The following NCKAP5 variants were observed in gnomAD, a reference collection of about 807,000 sequenced individuals.
NCKAP5 encodes the protein NCK associated protein 5.
A neutral mutation model predicts 167.0 loss-of-function variants in NCKAP5; 92 were observed. The observed-to-expected ratio is 0.55, with a 90% CI of 0.47 to 0.66. The LOEUF is 0.66. Ranked by LOEUF, NCKAP5 falls within the 30% of genes least tolerant of loss-of-function variation. NCKAP5 has a pLI of 0.00. For synonymous variants in NCKAP5, 891 were observed against 877.4 expected (o/e 1.02, Z -0.27); for missense variants, 2,378 against 2,315.0 (o/e 1.03, Z -0.56).
chr2:132,831,144 C>G (rs1300038695), intron 11 of NCKAP5, among the ~76,000 whole-genome samples: 1 of 152,136 alleles, frequency 6.6e-6, no homozygotes, highest in African/African-American at 2.4e-5. Flanking sequence ...CTCACTTTTC[C>G]CACCGCATGG....
intron 6 of NCKAP5, among the ~76,000 whole-genome samples, chr2:133,043,406 C>T (rs1235670050): frequency 2.6e-5 from 4 of 152,072 alleles, no homozygotes; most frequent in South Asian, 2.1e-4. Flanking sequence ...TTTGCCTGAA[C>T]GTATTCTTTA....
intron 11 of NCKAP5, among the ~76,000 whole-genome samples, chr2:132,845,519 GCAC>G (rs1316872831): frequency 2.0e-5 from 3 of 152,052 alleles, no homozygotes. Context: ...ATTATCAAAT[GCAC>G]CACAACCATT....
intron 8 of NCKAP5, among the ~76,000 whole-genome samples, chr2:132,938,603 G>A (rs1368734099): frequency 1.3e-5 from 2 of 152,148 alleles, no homozygotes; most frequent in Admixed American, 1.3e-4. Context: ...ATGTCTCTGT[G>A]TGTAAAGGGC....
intron 8 of NCKAP5, among the ~76,000 whole-genome samples, chr2:132,947,691 C>G (rs915443009): frequency 2.6e-5 from 4 of 152,140 alleles, no homozygotes; most frequent in African/African-American, 7.2e-5. Flanking sequence ...ATGTGGCTCA[C>G]TGTCTCAGCC....
chr2:132,698,770 G>A (rs1345026440), intron 19 of NCKAP5, among the ~76,000 whole-genome samples: 2 of 152,066 alleles, frequency 1.3e-5, no homozygotes, highest in African/African-American at 2.4e-5. Context: ...GGAGGCAAGG[G>A]TTGCAGTGAG....
chr2:133,093,257 A>G (rs2081246931), intron 6 of NCKAP5, among the ~76,000 whole-genome samples: 1 of 152,224 alleles, frequency 6.6e-6, no homozygotes, highest in African/African-American at 2.4e-5. Flanking sequence ...TGGCTGTGGT[A>G]GACACCTGAA....
chr2:132,860,686 A>G, intron 10 of NCKAP5, 75 bp from the exon 11 acceptor site: 1 of 1,474,394 alleles, frequency 6.8e-7, no homozygotes, highest in East Asian at 2.5e-5. Context: ...CATATTTTAT[A>G]TATCTCAGAT....
chr2:133,345,610 G>A (rs193116381), intron 3 of NCKAP5, among the ~76,000 whole-genome samples: 9 of 152,308 alleles, frequency 5.9e-5, no homozygotes, highest in Admixed American at 3.3e-4. Context: ...CTTTTAAGGT[G>A]TAAACTGGAC....
the NCKAP5 span, among the ~76,000 whole-genome samples, chr2:133,667,644 A>G: frequency 6.6e-6 from 1 of 152,040 alleles, no homozygotes; most frequent in Non-Finnish European, 1.5e-5. Flanking sequence ...TTGATTTACA[A>G]TTGTAAAATA....
At chr2:132,935,405 A>G (rs948663893) in intron 8 of NCKAP5, among the ~76,000 whole-genome samples, 1 of 152,216 alleles carries the variant, frequency 6.6e-6, no homozygotes, top group African/African-American at 2.4e-5. Flanking sequence ...CAGCCAGGGC[A>G]TCTTAATTAT....
chr2:133,363,295 A>G (rs1685244057), intron 3 of NCKAP5, among the ~76,000 whole-genome samples: 1 of 152,170 alleles, frequency 6.6e-6, no homozygotes, highest in South Asian at 2.1e-4. Flanking sequence ...ATTTTTGTAA[A>G]TAAATGTTGG....
At chr2:133,651,108 G>A in the NCKAP5 span, among the ~76,000 whole-genome samples, 1 of 152,230 alleles carries the variant, frequency 6.6e-6, no homozygotes, top group East Asian at 1.9e-4. Context: ...TATGGCATTG[G>A]TCCTGACAAT....
intron 6 of NCKAP5, among the ~76,000 whole-genome samples, chr2:133,015,725 A>G (rs1451504346): frequency 6.6e-6 from 1 of 152,180 alleles, no homozygotes; most frequent in Non-Finnish European, 1.5e-5. Context: ...CCCAGTCTCT[A>G]CTCAAAAGGA....
intron 5 of NCKAP5, among the ~76,000 whole-genome samples, chr2:133,190,518 T>C (rs966210024): frequency 2.6e-5 from 4 of 152,112 alleles, no homozygotes; most frequent in Non-Finnish European, 5.9e-5. Context: ...AACTTCAAAC[T>C]ATACTACAAG....
chr2:133,245,297 T>A (rs926195232), intron 4 of NCKAP5, among the ~76,000 whole-genome samples: 1 of 152,126 alleles, frequency 6.6e-6, no homozygotes, highest in East Asian at 1.9e-4. Context: ...GTAACTAGAA[T>A]GAAGTGTTTA....
At chr2:133,330,053 CTTTT>C (rs1165568563) in intron 3 of NCKAP5, among the ~76,000 whole-genome samples, 80 of 85,676 alleles carry the variant, frequency 9.3e-4, no homozygotes, top group African/African-American at 2.9e-3. Context: ...AAAGCAAGAC[CTTTT>C]TTTTTTTTTT....
intron 16 of NCKAP5, among the ~76,000 whole-genome samples, chr2:132,739,853 T>C (rs1476725161): frequency 2.6e-5 from 4 of 152,196 alleles, no homozygotes; most frequent in Admixed American, 2.6e-4. Context: ...GTCTGTGTTT[T>C]TGAGAAATCT....
At chr2:133,484,995 C>T (rs1246519975) in intron 3 of NCKAP5, among the ~76,000 whole-genome samples, 2 of 152,092 alleles carry the variant, frequency 1.3e-5, no homozygotes, top group African/African-American at 4.8e-5. Context: ...GCTTAGTTTC[C>T]TCATCTGCAA....
chr2:133,113,098 C>G (rs2081967447), intron 6 of NCKAP5, among the ~76,000 whole-genome samples: 1 of 152,166 alleles, frequency 6.6e-6, no homozygotes, highest in Non-Finnish European at 1.5e-5. Flanking sequence ...TCCGGCCACT[C>G]ACACTTACAT....
Sources: allele counts gnomAD v4.1 joint callset (sites outside exome capture counted in the v4.1 genomes callset), GRCh38; gene constraint gnomAD v4.1.1; transcripts MANE v1.5; gene names NCBI Gene and HGNC (gene_info 2026-07-23, HGNC 2026-07-21).